Variants in CCDC171 observed in about 807,000 individuals in gnomAD.
CCDC171 encodes coiled-coil domain-containing protein 171.
A neutral mutation model predicts 168.2 loss-of-function variants in CCDC171; 177 were observed. That is an observed-to-expected ratio of 1.05 (90% CI 0.93 to 1.19). The LOEUF is 1.19. Among genes scored for constraint, CCDC171 ranks in the 50% most tolerant of loss-of-function variants. The pLI, the probability that CCDC171 is intolerant of heterozygous loss-of-function variation, is 0.00. For missense variants in CCDC171, 1,991 were observed against 1,539.0 expected, an observed-to-expected ratio of 1.29 and a Z score of -4.91; for synonymous variants, 687 against 540.8, an observed-to-expected ratio of 1.27 and a Z score of -3.75.
intron 6 of CCDC171, among the ~76,000 whole-genome samples, chr9:15,616,969 C>T (rs567057707): frequency 1.2e-4 from 19 of 152,260 alleles, no homozygotes; most frequent in East Asian, 3.9e-4. Flanking sequence ...AACATCTGCT[C>T]GGCTTCTGGG....
intron 3 of CCDC171, among the ~76,000 whole-genome samples, chr9:15,994,726 G>A (rs2987031): frequency 0.36 from 55,473 of 151,988 alleles, 10,455 homozygotes; most frequent in Non-Finnish European, 0.43. Flanking sequence ...TGTTAACAAC[G>A]TCATCTCAGT....
chr9:15,803,222 A>G (rs766117259), intron 21 of CCDC171, among the ~76,000 whole-genome samples: 1 of 151,928 alleles, frequency 6.6e-6, no homozygotes, highest in Non-Finnish European at 1.5e-5. Context: ...TGTTTACTCC[A>G]TTGATAGTTT....
chr9:15,884,745 T>A (rs1252832446), intron 24 of CCDC171, among the ~76,000 whole-genome samples: 1 of 152,166 alleles, frequency 6.6e-6, no homozygotes, highest in East Asian at 1.9e-4. Context: ...GTCTTGCTTT[T>A]GCTCACAGGA....
intron 25 of CCDC171, among the ~76,000 whole-genome samples, chr9:15,944,048 TG>T (rs1308380433): frequency 1.3e-5 from 2 of 152,180 alleles, no homozygotes; most frequent in South Asian, 2.1e-4. Context: ...TTTTTTCTTT[TG>T]CAGTAATGTT....
intron 24 of CCDC171, among the ~76,000 whole-genome samples, chr9:15,897,319 T>A (rs571824158): frequency 1.3e-5 from 2 of 152,056 alleles, no homozygotes; most frequent in Admixed American, 6.6e-5. Flanking sequence ...GGATAATAGA[T>A]GATTTGCTAT....
chr9:15,714,872 TG>T (rs1409848790), intron 11 of CCDC171, among the ~76,000 whole-genome samples: 1 of 152,232 alleles, frequency 6.6e-6, no homozygotes, highest in Non-Finnish European at 1.5e-5. Context: ...CCATTTATTT[TG>T]GTTCTAGGAA....
chr9:16,086,467 C>G, the CCDC171 span, among the ~76,000 whole-genome samples: 1 of 151,958 alleles, frequency 6.6e-6, no homozygotes, highest in African/African-American at 2.4e-5. Context: ...ACCACCACAC[C>G]TGGCTAATTT....
intron 23 of CCDC171, among the ~76,000 whole-genome samples, chr9:15,864,342 G>A (rs1269168471): frequency 6.6e-6 from 1 of 151,742 alleles, no homozygotes; most frequent in Non-Finnish European, 1.5e-5. Flanking sequence ...TAAGTTCTAG[G>A]GTACATGTGC....
At chr9:16,042,790 TC>T (rs1246194469), upstream of CCDC171, 1 of 152,158 alleles carries the variant, frequency 6.6e-6, no homozygotes, top group African/African-American at 2.4e-5. Context: ...TGTTTTCATT[TC>T]TAATAGTTCA....
At chr9:15,691,777 A>C (rs2050815914) in intron 10 of CCDC171, among the ~76,000 whole-genome samples, 1 of 151,978 alleles carries the variant, frequency 6.6e-6, no homozygotes, top group Admixed American at 6.6e-5. Context: ...TTCGGACTCA[A>C]GCAATCTTCC....
chr9:16,062,226 C>A (rs1833940503), downstream of CCDC171, among the ~76,000 whole-genome samples: 1 of 152,012 alleles, frequency 6.6e-6, no homozygotes, highest in Non-Finnish European at 1.5e-5. Flanking sequence ...AGGTTATGGA[C>A]AGAGAAAGTA....
At position 16,011,685 on chromosome 9, in the gene CCDC171, G is replaced by A. The variant is rs116980961; in HGVS notation, n.369-8904G>A. Among the ~76,000 whole-genome samples the A allele has an allele frequency of 1.4e-4, 22 of 152,230 alleles. No individual in the cohort carries two copies. The East Asian group carries it at 4.3e-3, about 29-fold the overall frequency. ...TCCATACAGTCATTCAGCATTTTCT[G>A]AGTTCCGATTTTGCACTAGGACTGG... On this transcript the variant is annotated intron_variant and non_coding_transcript_variant, in intron 3 of 9. Coordinates refer to the CCDC171 transcript ENST00000486641.
At chr9:15,598,418 T>G (rs2042553836) in intron 6 of CCDC171, among the ~76,000 whole-genome samples, 1 of 152,156 alleles carries the variant, frequency 6.6e-6, no homozygotes, top group Non-Finnish European at 1.5e-5. Flanking sequence ...CCAGCAGTCA[T>G]TCAGGAGTAG....
intron 3 of CCDC171, among the ~76,000 whole-genome samples, chr9:15,575,077 A>G (rs1337539584): frequency 6.6e-6 from 1 of 151,826 alleles, no homozygotes; most frequent in Admixed American, 6.6e-5. Flanking sequence ...CAGATATCTC[A>G]TTGGCCCAGA....
At chr9:15,857,187 T>G (rs866653288) in intron 23 of CCDC171, among the ~76,000 whole-genome samples, 6 of 151,882 alleles carry the variant, frequency 4.0e-5, no homozygotes, top group African/African-American at 1.2e-4. Context: ...TTATGTTGAT[T>G]ATTATTATTA....
chr9:15,762,567 C>T (rs561845554), intron 18 of CCDC171, among the ~76,000 whole-genome samples: 1 of 152,236 alleles, frequency 6.6e-6, no homozygotes, highest in South Asian at 2.1e-4. Context: ...AACTGTTCTG[C>T]AGCTCTTAAT....
chr9:16,096,741 A>G, the CCDC171 span, among the ~76,000 whole-genome samples: 7 of 152,110 alleles, frequency 4.6e-5, no homozygotes, highest in African/African-American at 1.7e-4. Flanking sequence ...TTCCTCATCC[A>G]CTTGGGGCTA....
intron 4 of CCDC171, among the ~76,000 whole-genome samples, chr9:15,582,083 A>C (rs2041167723): frequency 6.6e-6 from 1 of 152,234 alleles, no homozygotes; most frequent in Non-Finnish European, 1.5e-5. Flanking sequence ...ACAAATTTAC[A>C]AGAAAAAAAC....
chr9:16,071,717 C>T, the CCDC171 span, among the ~76,000 whole-genome samples: 2 of 152,194 alleles, frequency 1.3e-5, no homozygotes, highest in African/African-American at 4.8e-5. Flanking sequence ...ATTCCTTCTT[C>T]TCTTTGTCTG....
Sources: gnomAD v4.1 joint callset for allele counts (sites outside exome capture counted in the v4.1 genomes callset) on GRCh38, gnomAD v4.1.1 for gene constraint, MANE v1.5 for transcripts, NCBI Gene and HGNC (gene_info 2026-07-23, HGNC 2026-07-21) for gene names.